ADAM32: variants seen among roughly 807,000 people sequenced by gnomAD.
The protein encoded by ADAM32 is disintegrin and metalloproteinase domain-containing protein 32.
A neutral mutation model predicts 114.9 loss-of-function variants in ADAM32; 89 were observed. The observed-to-expected ratio is 0.77, with a 90% CI of 0.65 to 0.92. ADAM32 has a LOEUF of 0.92. ADAM32 is among the 40% of genes least tolerant of loss of function. The pLI is 0.00. For synonymous variants in ADAM32, 285 were observed against 307.5 expected, an observed-to-expected ratio of 0.93 and a Z score of 0.77; for missense variants, 870 against 932.8, an observed-to-expected ratio of 0.93 and a Z score of 0.88.
chr8:39,139,661 C>CT (rs1422308620), intron 3 of ADAM32, among the ~76,000 whole-genome samples: 1 of 152,114 alleles, frequency 6.6e-6, no homozygotes, highest in Non-Finnish European at 1.5e-5. Context: ...AATGCGGGCT[C>CT]TTTTTTGGTT....
At chr8:39,223,444 A>T (rs978055020) in intron 14 of ADAM32, 15 of 271,212 alleles carry the variant, frequency 5.5e-5, no homozygotes, top group Non-Finnish European at 9.3e-5. Context: ...TATTATATGT[A>T]TAAGCAAACA....
chr8:39,198,693 T>C (rs1807179267), intron 11 of ADAM32, among the ~76,000 whole-genome samples: 1 of 152,214 alleles, frequency 6.6e-6, no homozygotes. Context: ...TCCTGTTTTA[T>C]TGTATACCTT....
In ADAM32 at chr8:39,118,268, C is replaced by T. The variant is rs1840459088; in HGVS notation, c.138+103C>T. On this transcript the variant is annotated intron_variant, in intron 2 of 24. Transcript: ENST00000379907. ...GCCCATTTTAATATGAATATAATGT[C>T]TCTTGTATTTCTACTGATAGGAATT... 1.5e-5 allele frequency: 9 copies of T among 615,648 alleles called. No homozygotes were observed. In the South Asian group the frequency reaches 4.3e-4, roughly 29 times the overall value. The allele number at this position is 615,648 out of a possible 1,614,324, so 38.1% of individuals were successfully genotyped here.
intron 4 of ADAM32, among the ~76,000 whole-genome samples, chr8:39,149,380 T>C (rs1158324072): frequency 6.6e-6 from 1 of 152,174 alleles, no homozygotes; most frequent in Non-Finnish European, 1.5e-5. Context: ...CCTTTTGGTT[T>C]GTGTTGGCAT....
chr8:39,118,245 C>A (rs1227167466), intron 2 of ADAM32, 80 bp downstream of exon 2: 2 of 840,648 alleles, frequency 2.4e-6, no homozygotes, highest in Non-Finnish European at 3.4e-6. Context: ...TATGTCAAGC[C>A]CATTTTAATA....
chr8:39,224,924 T>C (rs1026261708), intron 14 of ADAM32, among the ~76,000 whole-genome samples: 3 of 152,122 alleles, frequency 2.0e-5, no homozygotes, highest in African/African-American at 7.2e-5. Context: ...ATCTGAGATA[T>C]ATGGAGGTGG....
chr8:39,166,149 G>A (rs188228824), intron 9 of ADAM32: 43 of 152,228 alleles, frequency 2.8e-4, no homozygotes, highest in Admixed American at 2.6e-3. Flanking sequence ...CCCATCACCT[G>A]AGCAGTATAC....
At chr8:39,143,144 G>A (rs927825004) in intron 3 of ADAM32, among the ~76,000 whole-genome samples, 1 of 152,092 alleles carries the variant, frequency 6.6e-6, no homozygotes, top group Non-Finnish European at 1.5e-5. Context: ...CTTGTGATGG[G>A]TTACAACATG....
chr8:39,136,537 G>A, intron 2 of ADAM32, 120 bp from the exon 3 acceptor site: 1 of 615,592 alleles, frequency 1.6e-6, no homozygotes. Flanking sequence ...ATCACATGTA[G>A]TCTGAGAAAT....
At chr8:39,226,340 G>A (rs1057428724) in intron 14 of ADAM32, among the ~76,000 whole-genome samples, 3 of 152,008 alleles carry the variant, frequency 2.0e-5, no homozygotes, top group Non-Finnish European at 4.4e-5. Flanking sequence ...AATAATAACT[G>A]AAAACTTCCA....
chr8:39,117,064 A>G (rs183417291), intron 1 of ADAM32, among the ~76,000 whole-genome samples: 5 of 152,014 alleles, frequency 3.3e-5, no homozygotes, highest in African/African-American at 1.2e-4. Context: ...TTGTATTTTC[A>G]GTAGAGACGG....
chr8:39,273,126 T>A (rs1224917364), intron 20 of ADAM32, among the ~76,000 whole-genome samples: 1 of 152,126 alleles, frequency 6.6e-6, no homozygotes, highest in African/African-American at 2.4e-5. Flanking sequence ...TCTGGATTCG[T>A]CTTGAAGGAC....
chr8:39,242,469 A>C (rs1465980769), intron 16 of ADAM32, among the ~76,000 whole-genome samples: 1 of 152,226 alleles, frequency 6.6e-6, no homozygotes, highest in Non-Finnish European at 1.5e-5. Context: ...ACAGTTCCAC[A>C]TGGCTGGGAA....
At chr8:39,268,367 T>C (rs1812496515) in intron 19 of ADAM32, among the ~76,000 whole-genome samples, 1 of 152,208 alleles carries the variant, frequency 6.6e-6, no homozygotes, top group Admixed American at 6.5e-5. Flanking sequence ...ATATGGTTAT[T>C]TGCCATCTGT....
chr8:39,272,803 CG>C (rs1346792686), intron 20 of ADAM32, among the ~76,000 whole-genome samples: 1 of 152,086 alleles, frequency 6.6e-6, no homozygotes, highest in Non-Finnish European at 1.5e-5. Context: ...ATTAACCTTA[CG>C]TTTTACTATA....
At chr8:39,162,577 TG>T (rs1331638634) in intron 7 of ADAM32, among the ~76,000 whole-genome samples, 1 of 152,142 alleles carries the variant, frequency 6.6e-6, no homozygotes, top group Non-Finnish European at 1.5e-5. Context: ...TACACTGTTG[TG>T]GGACTGTGAA....
At position 39,160,959 on chromosome 8, in the gene ADAM32, A is replaced by G; in HGVS notation, c.588A>G (p.Lys196=). The part of the protein sequence containing the change: ...LYLEMHIVVD[K]TLYDYWGSDS... ...TAGAAATGCATATTGTGGTGGACAA[A>G]ACTTTGGTATGTGTTTTGCTTTTTC... The change falls in exon 7 of 25, where the codon AAA becomes AAG. Residue 196 remains lysine, a synonymous_variant. Transcript: ENST00000379907. 1 of 1,590,268 alleles carries G rather than the reference A, an allele frequency of 6.3e-7. No individual in the cohort carries two copies. The highest frequency in any genetic ancestry group is 8.6e-7 in the Non-Finnish European group (1 of 1,168,814).
intron 6 of ADAM32, among the ~76,000 whole-genome samples, chr8:39,152,002 A>T (rs1345267623): frequency 2.0e-5 from 3 of 151,870 alleles, no homozygotes; most frequent in African/African-American, 7.3e-5. Flanking sequence ...TTGAAACCAT[A>T]CTTTTTATGA....
Position 39,118,183 on chromosome 8 carries a change from A to G in ADAM32, c.138+18A>G, listed in dbSNP as rs1419234305. 1.5e-6 allele frequency: 2 copies of G among 1,344,698 alleles called. No individual in the cohort carries two copies. The highest frequency in any genetic ancestry group is 6.5e-5 in the Admixed American group (2 of 30,592). The allele number at this position is 1,344,698 out of a possible 1,614,324, so 83.3% of individuals were successfully genotyped here. A position where few individuals can be genotyped will look rare whatever the true frequency, so the allele number is the denominator to read the frequency against. ...TAGAATATGTAAGAGATATTTTTTC[A>G]CAATCTAAATGTTTATATGAAATTT... On this transcript the variant is annotated intron_variant, in intron 2 of 24. Transcript: ENST00000379907.
Sources: allele counts gnomAD v4.1 joint callset (sites outside exome capture counted in the v4.1 genomes callset), GRCh38; gene constraint gnomAD v4.1.1; transcripts MANE v1.5; gene names NCBI Gene and HGNC (gene_info 2026-07-23, HGNC 2026-07-21).